FAM13A: variants seen among roughly 807,000 people sequenced by gnomAD.
FAM13A encodes protein FAM13A.
FAM13A carries 76 observed loss-of-function variants against 129.6 expected under a neutral mutation model. The observed-to-expected ratio is 0.59, with a 90% CI of 0.49 to 0.71. FAM13A has a LOEUF of 0.71. FAM13A is among the 30% of genes least tolerant of loss of function. The pLI is 0.00. For missense variants in FAM13A, 1,108 were observed against 1,249.3 expected (o/e 0.89, Z 1.70); for synonymous variants, 443 against 449.9 (o/e 0.98, Z 0.20).
At chr4:88,787,732 G>A (rs370188082) in intron 10 of FAM13A, 21 bp downstream of exon 10, 1 of 1,607,058 alleles carries the variant, frequency 6.2e-7, no homozygotes, top group Non-Finnish European at 8.5e-7. Flanking sequence ...CAAGTAAGAG[G>A]AAGAATCAAT....
In FAM13A at chr4:88,912,584, C is replaced by A. The variant is rs1244353708; in HGVS notation, c.760-6122G>T. Among the ~76,000 whole-genome samples the A allele has an allele frequency of 2.0e-5, 3 of 151,690 alleles. No individual in the cohort carries two copies. In the East Asian group the frequency reaches 5.8e-4, roughly 29 times the overall value. On this transcript the variant is annotated intron_variant, in intron 5 of 23. Coordinates refer to ENST00000264344, the MANE Select transcript of FAM13A (RefSeq NM_014883.4). ...ACACATACATACACACACACACACA[C>A]ACACACACACACACACACACCTCCT...
At position 88,946,395 on chromosome 4, in the gene FAM13A, C is replaced by T. The variant is rs527341697; in HGVS notation, c.606-8154G>A. ...GCCTTGCTGAGAGATCATTTGCTCC[C>T]GCGTTCTTTTTTTTTTTTTTTTTTT... On this transcript the variant is annotated intron_variant, in intron 4 of 23. Transcript: ENST00000264344. Among the ~76,000 whole-genome samples the T allele has an allele frequency of 6.8e-5, 9 of 132,436 alleles. No homozygotes were observed. In the East Asian group the frequency reaches 8.8e-4, roughly 13 times the overall value. The allele number at this position is 132,436 out of a possible 152,430, so 86.9% of individuals were successfully genotyped here. A position where few individuals can be genotyped will look rare whatever the true frequency, so the allele number is the denominator to read the frequency against.
At chr4:88,988,771 G>T (rs1052353810) in intron 4 of FAM13A, among the ~76,000 whole-genome samples, 7 of 151,952 alleles carry the variant, frequency 4.6e-5, no homozygotes, top group Non-Finnish European at 5.9e-5. Context: ...CATTTGAGAA[G>T]AATAATAAAT....
chr4:88,902,205 T>G (rs767541871), intron 6 of FAM13A, among the ~76,000 whole-genome samples: 4 of 152,170 alleles, frequency 2.6e-5, no homozygotes, highest in Non-Finnish European at 5.9e-5. Flanking sequence ...CCATTTCTAT[T>G]GAAACTATTC....
At chr4:88,850,296 T>G (rs1737340541) in intron 7 of FAM13A, among the ~76,000 whole-genome samples, 1 of 152,204 alleles carries the variant, frequency 6.6e-6, no homozygotes, top group South Asian at 2.1e-4. Flanking sequence ...GGCTCATGCC[T>G]GTAATCCCAG....
At chr4:88,969,433 T>G (rs1759777935) in intron 4 of FAM13A, among the ~76,000 whole-genome samples, 1 of 152,068 alleles carries the variant, frequency 6.6e-6, no homozygotes, top group Admixed American at 6.6e-5. Context: ...AGCTTGGCTC[T>G]AAAAGATGGC....
intron 6 of FAM13A, among the ~76,000 whole-genome samples, chr4:88,874,984 C>A (rs903230464): frequency 1.3e-5 from 2 of 152,102 alleles, no homozygotes; most frequent in African/African-American, 2.4e-5. Context: ...AGAAATAACA[C>A]CACACATCTA....
intron 7 of FAM13A, among the ~76,000 whole-genome samples, chr4:88,824,811 G>A (rs532438711): frequency 1.3e-5 from 2 of 152,072 alleles, no homozygotes; most frequent in Admixed American, 6.5e-5. Context: ...GGGTTCAAGC[G>A]ATTCTCCTTC....
At chr4:88,914,837 C>A (rs996442279) in intron 5 of FAM13A, among the ~76,000 whole-genome samples, 8 of 152,218 alleles carry the variant, frequency 5.3e-5, no homozygotes, top group Admixed American at 4.6e-4. Context: ...CTTCACATTT[C>A]CCTTCCTTTT....
At chr4:88,990,930 AG>A in intron 4 of FAM13A, 42 bp downstream of exon 4, 1 of 1,458,488 alleles carries the variant, frequency 6.9e-7, no homozygotes, top group Non-Finnish European at 9.6e-7. Flanking sequence ...GTAAACACAA[AG>A]GGGGACATGA....
chr4:88,984,883 A>G (rs1921683), intron 4 of FAM13A, among the ~76,000 whole-genome samples: 102,644 of 152,018 alleles, frequency 0.68, 34,699 homozygotes, highest in Middle Eastern at 0.79. Flanking sequence ...ACATTTTGGT[A>G]GTTCCTCAAA....
rs577750015 is a variant in FAM13A, at chr4:88,793,841, A to G, written c.1050-3214T>C. Among the ~76,000 whole-genome samples the G allele has an allele frequency of 3.3e-5, 5 of 152,118 alleles. No individual in the cohort carries two copies. The South Asian group carries it at 1.0e-3, about 32-fold the overall frequency. ...CATTTATGGTTTATTAGATTCCAAA[A>G]TAACTTTGGTATTTAGTCAGGCATC... On this transcript the variant is annotated intron_variant, in intron 8 of 23. Transcript: ENST00000264344.
chr4:89,041,736 C>T (rs1298629273), intron 1 of FAM13A, among the ~76,000 whole-genome samples: 1 of 152,004 alleles, frequency 6.6e-6, no homozygotes, highest in Non-Finnish European at 1.5e-5. Flanking sequence ...GCCTGGCCAA[C>T]ATGGTGAAAG....
intron 19 of FAM13A, among the ~76,000 whole-genome samples, chr4:88,739,993 G>T (rs1239668480): frequency 6.6e-6 from 1 of 152,178 alleles, no homozygotes; most frequent in Non-Finnish European, 1.5e-5. Context: ...TCTCCAGGCA[G>T]TGGGGAGGAA....
Position 88,773,204 on chromosome 4 carries a change from T to C in FAM13A, c.1459-5145A>G, listed in dbSNP as rs183533879. Among the ~76,000 whole-genome samples, 14 of 152,338 alleles carry C rather than the reference T, an allele frequency of 9.2e-5. No individual in the cohort carries two copies. In the East Asian group the frequency reaches 2.7e-3, roughly 29 times the overall value. ...TCATCTTCTCCTCTCTATTGGCTTG[T>C]CTTACACAAATATTCTGTAACATCA... On this transcript the variant is annotated intron_variant, in intron 11 of 23. Transcript: ENST00000264344.
At chr4:88,735,722 T>A (rs1738843872) in intron 21 of FAM13A, among the ~76,000 whole-genome samples, 1 of 152,186 alleles carries the variant, frequency 6.6e-6, no homozygotes, top group South Asian at 2.1e-4. Context: ...TACTTTCTAA[T>A]AGGCCTGGCC....
At chr4:88,747,326 C>G (rs112732099) in intron 18 of FAM13A, among the ~76,000 whole-genome samples, 1 of 152,250 alleles carries the variant, frequency 6.6e-6, no homozygotes, top group African/African-American at 2.4e-5. Flanking sequence ...GACGGTTATA[C>G]GTTACATGGT....
intron 4 of FAM13A, among the ~76,000 whole-genome samples, chr4:88,975,500 G>T (rs1024060966): frequency 6.6e-6 from 1 of 151,948 alleles, no homozygotes; most frequent in African/African-American, 2.4e-5. Context: ...GAGTTTAAAG[G>T]GTCAATAGCC....
chr4:89,055,894 T>TACCATTTGGTG (rs962168083), intron 1 of FAM13A, among the ~76,000 whole-genome samples: 6 of 152,332 alleles, frequency 3.9e-5, no homozygotes, highest in African/African-American at 1.4e-4. Context: ...AGGGCTGGTC[T>TACCATTTGGTG]ACCATTTGGT....
Sources: gnomAD v4.1 joint callset for allele counts (sites outside exome capture counted in the v4.1 genomes callset) on GRCh38, gnomAD v4.1.1 for gene constraint, MANE v1.5 for transcripts, NCBI Gene and HGNC (gene_info 2026-07-23, HGNC 2026-07-21) for gene names.